EPHA5: variants seen among roughly 807,000 people sequenced by gnomAD.
EPHA5 encodes ephrin type-A receptor 5.
In EPHA5, 60 loss-of-function variants were observed where a neutral mutation model predicts 105.0. That is an observed-to-expected ratio of 0.57 (90% CI 0.46 to 0.71). EPHA5 has a LOEUF of 0.71. Ranked by LOEUF, EPHA5 falls within the 30% of genes least tolerant of loss-of-function variation. The pLI is 0.00. For missense variants in EPHA5, 1,218 were observed against 1,274.7 expected (o/e 0.96, Z 0.68); for synonymous variants, 513 against 449.1 (o/e 1.14, Z -1.80).
intron 3 of EPHA5, among the ~76,000 whole-genome samples, chr4:65,507,437 A>G (rs983953042): frequency 1.3e-5 from 2 of 152,084 alleles, no homozygotes; most frequent in Non-Finnish European, 2.9e-5. Context: ...GATGGCATTG[A>G]ATCTATAAAT....
At chr4:65,492,849 T>C (rs1434057502) in intron 4 of EPHA5, among the ~76,000 whole-genome samples, 4 of 152,196 alleles carry the variant, frequency 2.6e-5, no homozygotes, top group African/African-American at 9.6e-5. Context: ...GAAATACACG[T>C]GTTCTTGTTT....
At chr4:65,386,612 C>A (rs547963300) in intron 8 of EPHA5, among the ~76,000 whole-genome samples, 1 of 151,826 alleles carries the variant, frequency 6.6e-6, no homozygotes, top group South Asian at 2.1e-4. Flanking sequence ...ACATTCATGA[C>A]AAAGATCAAA....
chr4:65,526,575 A>C (rs529621794), intron 3 of EPHA5, among the ~76,000 whole-genome samples: 13 of 152,088 alleles, frequency 8.5e-5, no homozygotes, highest in African/African-American at 2.9e-4. Flanking sequence ...AAAATAAGAT[A>C]AGTTAATGGC....
intron 2 of EPHA5, among the ~76,000 whole-genome samples, chr4:65,640,582 G>A (rs1747576320): frequency 1.3e-5 from 2 of 152,050 alleles, no homozygotes; most frequent in Admixed American, 6.6e-5. Flanking sequence ...CACTGCGCCC[G>A]GCCAAAGTCA....
At chr4:65,425,546 C>T (rs1278527825) in intron 5 of EPHA5, among the ~76,000 whole-genome samples, 1 of 151,984 alleles carries the variant, frequency 6.6e-6, no homozygotes, top group East Asian at 1.9e-4. Flanking sequence ...ATCATTTTGT[C>T]AGTAAAATTC....
chr4:65,615,357 T>C (rs1745138706), intron 2 of EPHA5, among the ~76,000 whole-genome samples: 1 of 151,818 alleles, frequency 6.6e-6, no homozygotes, highest in Non-Finnish European at 1.5e-5. Flanking sequence ...TACTTGAACA[T>C]GATAAAAGCT....
At chr4:65,504,625 G>A (rs1015833458) in intron 3 of EPHA5, among the ~76,000 whole-genome samples, 1 of 151,844 alleles carries the variant, frequency 6.6e-6, no homozygotes, top group Admixed American at 6.6e-5. Context: ...TCGACAATGC[G>A]GATGTGCTTG....
At chr4:65,379,333 A>C (rs564997726) in intron 8 of EPHA5, among the ~76,000 whole-genome samples, 13 of 151,760 alleles carry the variant, frequency 8.6e-5, no homozygotes, top group African/African-American at 3.1e-4. Flanking sequence ...CCAAGAATCT[A>C]AACCAAGTTA....
In EPHA5 at chr4:65,440,948, G is replaced by T. The variant is rs375062968; in HGVS notation, c.1403-20383C>A. On this transcript the variant is annotated intron_variant, in intron 5 of 16. Transcript: ENST00000613740. ...GTAAGTAAGGCTAAGATTTCTGTCT[G>T]TAGTTGTCTGCCCTAGGCTTGTGTT... Among the ~76,000 whole-genome samples the T allele has an allele frequency of 1.8e-4, 28 of 152,252 alleles. No individual in the cohort carries two copies. The South Asian group carries it at 5.6e-3, about 30-fold the overall frequency.
At chr4:65,467,654 ATTG>A (rs1728848769) in intron 5 of EPHA5, among the ~76,000 whole-genome samples, 1 of 152,192 alleles carries the variant, frequency 6.6e-6, no homozygotes, top group African/African-American at 2.4e-5. Flanking sequence ...CCACAGAGCC[ATTG>A]TTGTAGGCAT....
chr4:65,335,335 G>T (rs537854152), intron 15 of EPHA5, among the ~76,000 whole-genome samples: 34 of 152,008 alleles, frequency 2.2e-4, no homozygotes, highest in African/African-American at 7.9e-4. Flanking sequence ...GTGCTATTCA[G>T]AAAAGTAAAA....
At chr4:65,582,459 G>C (rs1364728570) in intron 3 of EPHA5, among the ~76,000 whole-genome samples, 4 of 145,106 alleles carry the variant, frequency 2.8e-5, no homozygotes, top group Admixed American at 7.4e-5. Flanking sequence ...GACACCAAAA[G>C]GGACTAGCAA....
At position 65,319,827 on chromosome 4, in the gene EPHA5, A is replaced by G. The variant is rs1164301316; in HGVS notation, c.*4287T>C. On this transcript the variant is annotated 3_prime_UTR_variant, in exon 17 of 17. Coordinates refer to ENST00000613740, the MANE Select transcript of EPHA5 (RefSeq NM_001281766.3). ...AAAATACTAACAAATGACTGAGTCT[A>G]AGTATTCTCAGGCTCTTATAAATGT... 4.4e-6 allele frequency: 1 copy of G among 229,380 alleles called. No homozygotes were observed. The highest frequency in any genetic ancestry group is 8.7e-6 in the Non-Finnish European group (1 of 115,538). The allele number at this position is 229,380 out of a possible 1,614,324, so 14.2% of individuals were successfully genotyped here.
intron 11 of EPHA5, among the ~76,000 whole-genome samples, chr4:65,354,893 A>T (rs1723154150): frequency 6.6e-6 from 1 of 151,834 alleles, no homozygotes; most frequent in African/African-American, 2.4e-5. Context: ...TACTCGAGAC[A>T]ATATTTCTTT....
intron 13 of EPHA5, among the ~76,000 whole-genome samples, chr4:65,350,321 C>A (rs1722695951): frequency 6.6e-6 from 1 of 151,940 alleles, no homozygotes. Context: ...GTTACTTTCT[C>A]CCTTCAACAA....
At chr4:65,504,068 G>A (rs950443920) in intron 3 of EPHA5, among the ~76,000 whole-genome samples, 4 of 151,232 alleles carry the variant, frequency 2.6e-5, no homozygotes, top group African/African-American at 7.3e-5. Context: ...ATAAAGCTGT[G>A]TAAAGTATTA....
chr4:65,485,784 C>T (rs1044040019), intron 5 of EPHA5, among the ~76,000 whole-genome samples: 18 of 152,128 alleles, frequency 1.2e-4, no homozygotes, highest in Non-Finnish European at 2.6e-4. Context: ...AAGAATGGTG[C>T]TTTGGCATGA....
At chr4:65,654,976 G>GT (rs1430710354) in intron 1 of EPHA5, among the ~76,000 whole-genome samples, 2 of 149,752 alleles carry the variant, frequency 1.3e-5, no homozygotes, top group Admixed American at 6.7e-5. Flanking sequence ...TTGAGGATCA[G>GT]TTTTTTCAAA....
intron 3 of EPHA5, among the ~76,000 whole-genome samples, chr4:65,524,722 A>C (rs1197307546): frequency 6.6e-6 from 1 of 151,848 alleles, no homozygotes; most frequent in Non-Finnish European, 1.5e-5. Context: ...AGTACGTTTA[A>C]ATTTTGAATA....
Sources: gnomAD v4.1 joint callset for allele counts (sites outside exome capture counted in the v4.1 genomes callset) on GRCh38, gnomAD v4.1.1 for gene constraint, MANE v1.5 for transcripts, NCBI Gene and HGNC (gene_info 2026-07-23, HGNC 2026-07-21) for gene names.